The following GRIK1 variants were observed in gnomAD, a reference collection of about 807,000 sequenced individuals.
GRIK1 encodes the protein glutamate receptor ionotropic, kainate 1.
In GRIK1, 69 loss-of-function variants were observed where a neutral mutation model predicts 105.7. The ratio of observed to expected loss-of-function variants is 0.65; its 90% CI spans 0.54 to 0.80. The LOEUF is 0.80. GRIK1 is among the 30% of genes least tolerant of loss of function. GRIK1 has a pLI of 0.00. For missense variants in GRIK1, 1,109 were observed against 1,167.3 expected (o/e 0.95, Z 0.73); for synonymous variants, 438 against 431.3 (o/e 1.02, Z -0.19).
intron 1 of GRIK1, among the ~76,000 whole-genome samples, chr21:29,723,623 G>C (rs186162691): frequency 3.3e-5 from 5 of 152,176 alleles, no homozygotes; most frequent in African/African-American, 1.2e-4. Flanking sequence ...GAGATATTGG[G>C]AAACCTATTT....
chr21:29,775,214 T>G (rs2065911903), intron 1 of GRIK1, among the ~76,000 whole-genome samples: 1 of 146,812 alleles, frequency 6.8e-6, no homozygotes, highest in Non-Finnish European at 1.5e-5. Context: ...AGGCTGAGGT[T>G]GCAGTGAGCA....
intron 1 of GRIK1, among the ~76,000 whole-genome samples, chr21:29,806,849 G>T (rs2066876190): frequency 6.6e-6 from 1 of 152,104 alleles, no homozygotes; most frequent in Non-Finnish European, 1.5e-5. Context: ...CCATAGTTTT[G>T]TCTATTCTTA....
rs570057379 is a variant in GRIK1 at position 29,852,655 on chromosome 21, G to A, written c.118+86728C>T. 1.2e-4 allele frequency among the ~76,000 whole-genome samples: 19 copies of A among 152,312 alleles called. No homozygotes were observed. The South Asian group carries it at 3.9e-3, about 32-fold the overall frequency. ...CCACATAAATATGCAAGTCATTTAG[G>A]AAACTTTACATTTATCAAAATGTTT... On this transcript the variant is annotated intron_variant, in intron 1 of 17. Coordinates refer to ENST00000327783, the MANE Select transcript of GRIK1 (RefSeq NM_001330994.2).
chr21:29,676,297 G>T (rs1221632338), intron 3 of GRIK1, among the ~76,000 whole-genome samples: 1 of 152,198 alleles, frequency 6.6e-6, no homozygotes, highest in Non-Finnish European at 1.5e-5. Flanking sequence ...ACTGGGGGAA[G>T]AACAAAGAAC....
intron 1 of GRIK1, among the ~76,000 whole-genome samples, chr21:29,733,105 G>A (rs577956041): frequency 1.3e-5 from 2 of 152,188 alleles, no homozygotes; most frequent in South Asian, 4.2e-4. Flanking sequence ...GTTCCTTGGG[G>A]CCTTGCTACT....
chr21:29,591,691 T>G (rs1268265248), intron 9 of GRIK1, among the ~76,000 whole-genome samples: 1 of 152,164 alleles, frequency 6.6e-6, no homozygotes, highest in African/African-American at 2.4e-5. Context: ...ATCACTAGTT[T>G]ATTTAAAATT....
chr21:29,928,120 A>T (rs561881169), intron 1 of GRIK1, among the ~76,000 whole-genome samples: 1 of 152,294 alleles, frequency 6.6e-6, no homozygotes, highest in African/African-American at 2.4e-5. Flanking sequence ...CTAAGAAAAA[A>T]GTTTGGGCAT....
At chr21:29,619,642 G>A (rs56986755) in intron 7 of GRIK1, among the ~76,000 whole-genome samples, 33,528 of 151,864 alleles carry the variant, frequency 0.22, 5,104 homozygotes, top group African/African-American at 0.43. Context: ...ATAAAAAATT[G>A]AAAAGTAAAA....
chr21:29,792,204 A>G (rs754136981), intron 1 of GRIK1, among the ~76,000 whole-genome samples: 7 of 152,144 alleles, frequency 4.6e-5, no homozygotes, highest in African/African-American at 1.7e-4. Flanking sequence ...ATATACACAC[A>G]TATGTATATA....
intron 1 of GRIK1, among the ~76,000 whole-genome samples, chr21:29,916,268 A>G (rs895052553): frequency 6.6e-6 from 1 of 151,974 alleles, no homozygotes; most frequent in East Asian, 1.9e-4. Context: ...ATGAAATGAG[A>G]TTATTTATGC....
rs184896793 is a variant in GRIK1, at chr21:29,906,872, G to A, written c.118+32511C>T. On this transcript the variant is annotated intron_variant, in intron 1 of 17. Coordinates refer to ENST00000327783, the MANE Select transcript of GRIK1 (RefSeq NM_001330994.2). ...AATTCCTTAGGACTAACTACATGAA[G>A]GGTTAAACTTTGATTGCAACATATT... Among the ~76,000 whole-genome samples the A allele has an allele frequency of 4.2e-3, 646 of 152,110 alleles. 10 individuals are homozygous for A. Among genetic ancestry groups the A allele is most frequent in the African/African-American group, 0.015 (615 of 41,534 alleles).
intron 6 of GRIK1, among the ~76,000 whole-genome samples, chr21:29,644,996 G>A (rs775855404): frequency 1.4e-4 from 21 of 152,208 alleles, no homozygotes; most frequent in Non-Finnish European, 2.6e-4. Flanking sequence ...GTTGGTGCTA[G>A]AGTATATGCC....
At chr21:29,584,310 T>A (rs1157547550) in intron 12 of GRIK1, among the ~76,000 whole-genome samples, 4 of 141,548 alleles carry the variant, frequency 2.8e-5, no homozygotes, top group African/African-American at 1.3e-4. Flanking sequence ...TTTTCTAGAT[T>A]TTTTTTTGCC....
At chr21:29,905,678 G>C (rs1032244335) in intron 1 of GRIK1, among the ~76,000 whole-genome samples, 10 of 127,558 alleles carry the variant, frequency 7.8e-5, no homozygotes, top group Non-Finnish European at 1.1e-4. Flanking sequence ...CCAGGCTGGA[G>C]TGCAGTGGAG....
intron 4 of GRIK1, among the ~76,000 whole-genome samples, chr21:29,656,621 T>C (rs1407761380): frequency 6.6e-6 from 1 of 152,118 alleles, no homozygotes; most frequent in Non-Finnish European, 1.5e-5. Flanking sequence ...ACCTTTGCAT[T>C]AAATAACAAA....
intron 1 of GRIK1, among the ~76,000 whole-genome samples, chr21:29,721,587 A>G (rs2064323981): frequency 1.3e-5 from 2 of 149,916 alleles, no homozygotes; most frequent in South Asian, 4.2e-4. Flanking sequence ...TGAGAGTAGC[A>G]GGAGAATACA....
chr21:29,932,234 T>A (rs1446919890), intron 1 of GRIK1, among the ~76,000 whole-genome samples: 2 of 152,144 alleles, frequency 1.3e-5, no homozygotes, highest in Non-Finnish European at 2.9e-5. Context: ...CAAATAATAT[T>A]TTTAAAAGCT....
chr21:29,811,611 A>T lies in GRIK1; in HGVS notation c.119-117548T>A, dbSNP rs185452867. Among the ~76,000 whole-genome samples the T allele has an allele frequency of 2.0e-5, 3 of 152,308 alleles. No individual in the cohort carries two copies. The East Asian group carries it at 5.8e-4, about 29-fold the overall frequency. ...CTCTCCTTCTTTAGGACACACATGC[A>T]GGAGTCCAGTCCATTTGTGTGATGC... On this transcript the variant is annotated intron_variant, in intron 1 of 17. Transcript: ENST00000327783.
intron 1 of GRIK1, among the ~76,000 whole-genome samples, chr21:29,935,898 C>T (rs1040486790): frequency 3.3e-5 from 5 of 151,714 alleles, no homozygotes; most frequent in African/African-American, 1.2e-4. Context: ...ACTGTTAAGA[C>T]CCTGTTTAGG....
Sources: allele counts gnomAD v4.1 joint callset (sites outside exome capture counted in the v4.1 genomes callset), GRCh38; gene constraint gnomAD v4.1.1; transcripts MANE v1.5; gene names NCBI Gene and HGNC (gene_info 2026-07-23, HGNC 2026-07-21).